Variants in MEGF10 observed in about 807,000 individuals in gnomAD.
MEGF10 encodes multiple EGF like domains 10.
MEGF10 carries 86 observed loss-of-function variants against 147.5 expected under a neutral mutation model. The ratio of observed to expected loss-of-function variants is 0.58; its 90% confidence interval spans 0.49 to 0.70. The LOEUF (loss-of-function observed/expected upper bound fraction) is 0.70, where lower values mean the gene tolerates loss of function less well. Ranked by LOEUF, MEGF10 falls within the 30% of genes least tolerant of loss-of-function variation. MEGF10 has a pLI of 0.00. For missense variants in MEGF10, 1,329 were observed against 1,487.3 expected, an observed-to-expected ratio of 0.89 and a Z score of 1.75; for synonymous variants, 478 against 525.5, an observed-to-expected ratio of 0.91 and a Z score of 1.24.
chr5:127,268,658 G>C, the MEGF10 span, among the ~76,000 whole-genome samples: 1 of 152,196 alleles, frequency 6.6e-6, no homozygotes, highest in East Asian at 1.9e-4. Context: ...CCCCACCTCT[G>C]GGGGTAGGGC....
the MEGF10 span, among the ~76,000 whole-genome samples, chr5:127,270,997 T>A: frequency 6.6e-6 from 1 of 152,216 alleles, no homozygotes; most frequent in African/African-American, 2.4e-5. Context: ...ATGTCTTTCC[T>A]TTTGTGAATA....
chr5:127,372,137 A>T (rs1762871275), intron 5 of MEGF10, among the ~76,000 whole-genome samples: 1 of 152,176 alleles, frequency 6.6e-6, no homozygotes. Context: ...ATTTCTAAGG[A>T]TTCTATTTCC....
chr5:127,365,558 G>A (rs1762621579), intron 4 of MEGF10, among the ~76,000 whole-genome samples: 1 of 152,196 alleles, frequency 6.6e-6, no homozygotes, highest in Admixed American at 6.5e-5. Flanking sequence ...CCATCAGGCA[G>A]ACAGACTGTC....
the MEGF10 span, among the ~76,000 whole-genome samples, chr5:127,264,181 T>C: frequency 6.6e-6 from 1 of 152,112 alleles, no homozygotes; most frequent in Non-Finnish European, 1.5e-5. Flanking sequence ...GAAAACACTA[T>C]GTGAAAACTC....
chr5:127,248,684 T>C, the MEGF10 span, among the ~76,000 whole-genome samples: 1 of 151,786 alleles, frequency 6.6e-6, no homozygotes. Context: ...AGAGAAAATA[T>C]ATTTTAAAAC....
intron 1 of MEGF10, among the ~76,000 whole-genome samples, chr5:127,294,835 T>TAATAATAATAAAAAAAAAA: frequency 7.0e-6 from 1 of 143,138 alleles, no homozygotes; most frequent in South Asian, 2.2e-4. Flanking sequence ...ATAATAATAA[T>TAATAATAATAAAAAAAAAA]AAATAACTTG....
At chr5:127,341,204 G>T (rs140449735) in intron 4 of MEGF10, among the ~76,000 whole-genome samples, 374 of 152,268 alleles carry the variant, frequency 2.5e-3, no homozygotes, top group African/African-American at 8.6e-3. Flanking sequence ...CGTATCTTAT[G>T]ACACACTTCA....
chr5:127,435,404 T>C lies in MEGF10; in HGVS notation c.2019T>C (p.Cys673=), dbSNP rs2127003910. Residue 673 remains cysteine, a synonymous_variant, in exon 16 of 25, where the codon TGT becomes TGC. Transcript: ENST00000503335. The part of the protein sequence containing the change: ...GRFGKNCAGI[C]TCTNNGTCNP... ...TTGGGAAAAACTGTGCAGGAATTTG[T>C]ACCTGCACCAACAACGGAACCTGTA... 1 of 1,614,174 alleles carries C rather than the reference T, an allele frequency of 6.2e-7. No individual in the cohort carries two copies. Among genetic ancestry groups the C allele is most frequent in the Non-Finnish European group, 8.5e-7 (1 of 1,180,016 alleles).
rs1765916967 is a variant in MEGF10, at chr5:127,445,621, A to G, written c.2656A>G (p.Lys886Glu). 1.9e-6 allele frequency: 3 copies of G among 1,614,006 alleles called. No homozygotes were observed. Among genetic ancestry groups the G allele is most frequent in the Admixed American group, 3.3e-5 (2 of 59,994 alleles). ...FIIYRHKQKG[K>E]ESSMPAVTYT... is the part of the protein sequence containing the mutation. ...TATTTATAGACACAAGCAGAAGGGA[A>G]AGGAATCAAGCATGCCAGCAGTTAC... Residue 886 changes from lysine to glutamate, a missense_variant, in exon 20 of 25, where the codon AAG becomes GAG. Physicochemically the swap from Lys to Glu is moderately conservative, Grantham distance 56. This residue lies in a region of MEGF10 where 343 missense variants were observed against 377.9 expected (regional missense o/e 0.91). Coordinates refer to ENST00000503335, the MANE Select transcript of MEGF10 (RefSeq NM_001256545.2).
intron 1 of MEGF10, among the ~76,000 whole-genome samples, chr5:127,320,482 G>T (rs559395850): frequency 2.4e-4 from 37 of 152,266 alleles, no homozygotes; most frequent in Non-Finnish European, 2.9e-5. Context: ...ACAGGAAGTG[G>T]TGTTGCTAAT....
intron 13 of MEGF10, among the ~76,000 whole-genome samples, chr5:127,428,799 G>C (rs768670839): frequency 3.3e-5 from 5 of 152,168 alleles, no homozygotes; most frequent in African/African-American, 1.2e-4. Context: ...TCTATGAGAG[G>C]GGAAAGAATG....
chr5:127,273,308 A>T, the MEGF10 span, among the ~76,000 whole-genome samples: 1 of 152,100 alleles, frequency 6.6e-6, no homozygotes, highest in Non-Finnish European at 1.5e-5. Context: ...CCTTGGCTCA[A>T]TGTTGCTCTT....
At chr5:127,358,264 A>G (rs1762346901) in intron 4 of MEGF10, among the ~76,000 whole-genome samples, 1 of 152,150 alleles carries the variant, frequency 6.6e-6, no homozygotes, top group Non-Finnish European at 1.5e-5. Flanking sequence ...TCTAGAGGAA[A>G]TGTCCAGGGA....
At chr5:127,453,518 A>T (rs962681881) in intron 22 of MEGF10, among the ~76,000 whole-genome samples, 2 of 152,196 alleles carry the variant, frequency 1.3e-5, no homozygotes, top group Admixed American at 1.3e-4. Flanking sequence ...TGTTTCACTT[A>T]ATGATGACAA....
intron 1 of MEGF10, among the ~76,000 whole-genome samples, chr5:127,327,663 G>C (rs927428077): frequency 6.6e-6 from 1 of 151,108 alleles, no homozygotes; most frequent in African/African-American, 2.4e-5. Context: ...AGAAGATAGG[G>C]AAAAAGTAAA....
chr5:127,338,832 G>A (rs185155597), intron 2 of MEGF10, among the ~76,000 whole-genome samples: 214 of 152,100 alleles, frequency 1.4e-3, no homozygotes, highest in African/African-American at 5.0e-3. Flanking sequence ...AGAAAAATAC[G>A]GAGTGGTATT....
chr5:127,426,040 G>T (rs1765198865), intron 13 of MEGF10, among the ~76,000 whole-genome samples: 1 of 152,252 alleles, frequency 6.6e-6, no homozygotes. Flanking sequence ...TGTGGACACT[G>T]TGGGGAGAGG....
At chr5:127,365,277 A>G (rs1199568968) in intron 4 of MEGF10, among the ~76,000 whole-genome samples, 1 of 152,248 alleles carries the variant, frequency 6.6e-6, no homozygotes, top group Non-Finnish European at 1.5e-5. Context: ...CTTTAGAGAT[A>G]TAATTGATTT....
At chr5:127,347,372 A>G (rs1030147743) in intron 4 of MEGF10, among the ~76,000 whole-genome samples, 5 of 152,080 alleles carry the variant, frequency 3.3e-5, no homozygotes, top group Non-Finnish European at 7.4e-5. Flanking sequence ...TGATCCAAAC[A>G]CATTCCAATA....
Sources: gnomAD v4.1 joint callset for allele counts (sites outside exome capture counted in the v4.1 genomes callset) on GRCh38, gnomAD v4.1.1 for gene constraint, gnomAD v4.1.1 regional missense constraint, MANE v1.5 for transcripts, NCBI Gene and HGNC (gene_info 2026-07-23, HGNC 2026-07-21) for gene names.